The following TNK2 variants were observed in gnomAD, a reference collection of about 807,000 sequenced individuals.
TNK2 encodes tyrosine kinase non receptor 2.
TNK2 carries 83 observed loss-of-function variants against 101.8 expected under a neutral mutation model. The observed-to-expected ratio is 0.82, with a 90% CI of 0.68 to 0.98. TNK2 has a LOEUF of 0.98. Among genes scored for constraint, TNK2 ranks in the 50% least tolerant of loss-of-function variants. TNK2 has a pLI of 0.00. For missense variants in TNK2, 1,665 were observed against 1,483.2 expected (o/e 1.12, Z -2.01); for synonymous variants, 804 against 633.0 (o/e 1.27, Z -4.06).
chr3:195,874,008 G>C (rs1747346513), intron 9 of TNK2, among the ~76,000 whole-genome samples: 1 of 152,120 alleles, frequency 6.6e-6, no homozygotes, highest in Non-Finnish European at 1.5e-5. Context: ...AAAAATAGCA[G>C]GGCCACTCGA....
intron 1 of TNK2, among the ~76,000 whole-genome samples, chr3:195,904,326 C>A (rs1761523293): frequency 1.3e-5 from 2 of 150,470 alleles, no homozygotes; most frequent in Admixed American, 1.3e-4. Flanking sequence ...GTGGTATATT[C>A]ATACAATAGA....
chr3:195,905,261 G>A (rs761914660), intron 1 of TNK2, among the ~76,000 whole-genome samples: 14 of 152,030 alleles, frequency 9.2e-5, no homozygotes, highest in Non-Finnish European at 1.6e-4. Flanking sequence ...ATGCAGTGGC[G>A]CAATCTTGGC....
intron 1 of TNK2, chr3:195,894,485 G>C (rs900867266): frequency 1.3e-5 from 2 of 150,788 alleles, no homozygotes; most frequent in Non-Finnish European, 2.9e-5. Flanking sequence ...GCGCGATCCC[G>C]GGTTCAAGTG....
chr3:195,901,268 C>T (rs112323520), intron 1 of TNK2, among the ~76,000 whole-genome samples: 3,624 of 152,288 alleles, frequency 0.024, 85 homozygotes, highest in African/African-American at 0.068. Flanking sequence ...AATGGAGGCT[C>T]ATGGAGGCTC....
intron 1 of TNK2, among the ~76,000 whole-genome samples, chr3:195,903,065 T>TAATGGTGAGAGACTAAATGCATCCCC: frequency 6.9e-6 from 1 of 145,936 alleles, no homozygotes; most frequent in Non-Finnish European, 1.5e-5. Context: ...ACACCACTTT[T>TAATGGTGAGAGACTAAATGCATCCCC]TTTTTTTCTT....
In TNK2 at chr3:195,874,504, C is replaced by T. The variant is rs113055553; in HGVS notation, c.1257-2034G>A. 2.6e-5 allele frequency among the ~76,000 whole-genome samples: 4 copies of T among 151,230 alleles called. No homozygotes were observed. The East Asian group carries it at 5.9e-4, about 22-fold the overall frequency. On this transcript the variant is annotated intron_variant, in intron 9 of 15. Transcript: ENST00000672887. Reference sequence around the variant, plus strand: ...GTGCAAGAAGCTCCCCTCGGGATGGCGCCCACGCACACTCCGAGGCACAAG... The same window carrying T: ...GTGCAAGAAGCTCCCCTCGGGATGGTGCCCACGCACACTCCGAGGCACAAG...
chr3:195,892,422 G>A (rs1440483716), intron 1 of TNK2: 24 of 1,534,948 alleles, frequency 1.6e-5, no homozygotes, highest in Middle Eastern at 1.7e-4. Flanking sequence ...GTGTACAGGC[G>A]TCGCCGCAGT....
In TNK2 at chr3:195,888,429, G is replaced by A; in HGVS notation, c.160C>T (p.Pro54Ser). Reference protein sequence around the residue: ...EDLEKIGMGRPGQRRLWEAVK... With the variant: ...EDLEKIGMGRSGQRRLWEAVK... ...GCCAGGCCAACATCCCACCTACCAG[G>A]CCGACCCATGCCGATCTTCTCCAGG... Residue 54 changes from proline (P) to serine (S), a missense_variant, in exon 2 of 16, where the codon CCT becomes TCT. Pro to Ser is a moderately conservative substitution (Grantham distance 74). Around this residue, in one of 3 missense-constraint regions of TNK2, gnomAD observed 490 missense variants for 522.5 expected, o/e 0.94. Transcript: ENST00000672887. The surrounding 1 kb of genome is among the most constrained non-coding windows in gnomAD (Gnocchi z 5.3). 1 of 1,612,984 alleles carries A rather than the reference G, an allele frequency of 6.2e-7. No homozygotes were observed. The highest frequency in any genetic ancestry group is 8.5e-7 in the Non-Finnish European group (1 of 1,179,288).
At chr3:195,899,632 G>C (rs1296483992) in intron 1 of TNK2, among the ~76,000 whole-genome samples, 2 of 152,176 alleles carry the variant, frequency 1.3e-5, no homozygotes, top group Non-Finnish European at 2.9e-5. Flanking sequence ...GCCCGGCCAA[G>C]AATTTTAAAA....
intron 9 of TNK2, among the ~76,000 whole-genome samples, chr3:195,873,537 C>G (rs371658390): frequency 4.1e-4 from 61 of 150,580 alleles, no homozygotes; most frequent in East Asian, 1.6e-3. Flanking sequence ...AGTCTGGGCA[C>G]GCGGGGGCGG....
At chr3:195,907,092 C>G (rs996992671) in intron 1 of TNK2, among the ~76,000 whole-genome samples, 7 of 152,234 alleles carry the variant, frequency 4.6e-5, no homozygotes, top group African/African-American at 1.7e-4. Context: ...TCCCATTCAT[C>G]TACCACAAGT....
chr3:195,881,644 C>T (rs1457944893), intron 6 of TNK2, among the ~76,000 whole-genome samples: 1 of 102,770 alleles, frequency 9.7e-6, no homozygotes, highest in Non-Finnish European at 2.0e-5. Flanking sequence ...CACCCCCCCC[C>T]CAGCAACGCC....
chr3:195,883,946 T>G (rs575174149), intron 4 of TNK2: 2 of 151,846 alleles, frequency 1.3e-5, no homozygotes, highest in Non-Finnish European at 2.9e-5. Context: ...GGGAGAAGGA[T>G]GCACTGAGTG....
In TNK2 at chr3:195,882,115, G is replaced by T. The variant is rs752177519; in HGVS notation, c.823C>A (p.Arg275=). ...TGGTCGTCATTCTGAGGTAGTGCTCGCATCAGCCCAAAGTCCCCGATCTTG... is the reference window on the plus strand; with the variant it reads ...TGGTCGTCATTCTGAGGTAGTGCTCTCATCAGCCCAAAGTCCCCGATCTTG... The part of the protein sequence containing the change: ...LVKIGDFGLM[R]ALPQNDDHYV... The change falls in exon 6 of 16, where the codon CGA becomes AGA. Residue 275 remains arginine, a synonymous_variant. Transcript: ENST00000672887. The surrounding 1 kb of genome is among the most constrained non-coding windows in gnomAD (Gnocchi z 4.2). The T allele has an allele frequency of 3.1e-6, 5 of 1,613,664 alleles. No homozygotes were observed. The African/African-American group carries it at 5.3e-5, about 17-fold the overall frequency.
chr3:195,869,955 C>T (rs1743830004), intron 11 of TNK2, 159 bp downstream of exon 11: 2 of 620,212 alleles, frequency 3.2e-6, no homozygotes, highest in East Asian at 2.9e-5. Flanking sequence ...GTCTTCCACC[C>T]CACGCCCAGC....
chr3:195,901,652 G>C (rs1761219714), intron 1 of TNK2, among the ~76,000 whole-genome samples: 1 of 152,176 alleles, frequency 6.6e-6, no homozygotes, highest in Non-Finnish European at 1.5e-5. Context: ...GTCATAGCCT[G>C]GGTCCTCAGG....
chr3:195,881,929 G>C (rs1396219480), intron 6 of TNK2, 122 bp downstream of exon 6: 14 of 1,228,546 alleles, frequency 1.1e-5, no homozygotes, highest in African/African-American at 9.1e-5. Context: ...GGCACCCCAG[G>C]CTTAGAACAG....
rs1001653056 is a variant in TNK2 at position 195,868,974 on chromosome 3, A to G, written c.1589-265T>C. The G allele has an allele frequency of 2.5e-5, 13 of 516,362 alleles. No individual in the cohort carries two copies. In the South Asian group the frequency reaches 3.7e-4, roughly 15 times the overall value. 32.0% of individuals were successfully genotyped at this position (516,362 alleles called of 1,614,324 possible). A position where few individuals can be genotyped will look rare whatever the true frequency, so the allele number is the denominator to read the frequency against. ...CTCCGTCTAAGCTGCAGCAAGCAACACTGGCTCCTGCCTGACGCTGCCTCC... is the reference window on the plus strand; with the variant it reads ...CTCCGTCTAAGCTGCAGCAAGCAACGCTGGCTCCTGCCTGACGCTGCCTCC... On this transcript the variant is annotated intron_variant, in intron 12 of 15. Coordinates refer to ENST00000672887, the MANE Select transcript of TNK2 (RefSeq NM_001382273.1).
intron 2 of TNK2, among the ~76,000 whole-genome samples, chr3:195,887,577 G>C (rs1218131755): frequency 6.6e-6 from 1 of 151,682 alleles, no homozygotes. Flanking sequence ...TGTCTAACTT[G>C]ACACATTATT....
Sources: gnomAD v4.1 joint callset for allele counts (sites outside exome capture counted in the v4.1 genomes callset) on GRCh38, gnomAD v4.1.1 for gene constraint, gnomAD v4.1.1 regional missense constraint, Gnocchi (gnomAD v3.1) non-coding constraint, MANE v1.5 for transcripts, NCBI Gene and HGNC (gene_info 2026-07-23, HGNC 2026-07-21) for gene names.